Variants in USP16 observed in about 807,000 individuals in gnomAD.
The protein encoded by USP16 is ubiquitin carboxyl-terminal hydrolase 16.
A neutral mutation model predicts 95.9 loss-of-function variants in USP16; 77 were observed. The ratio of observed to expected loss-of-function variants is 0.80; its 90% CI spans 0.67 to 0.97. USP16 has a LOEUF of 0.97. Among genes scored for constraint, USP16 ranks in the 50% least tolerant of loss-of-function variants. The probability of loss-of-function intolerance (pLI) is 0.00; values close to 1 mark genes in which losing one functional copy is unlikely to be tolerated. For synonymous variants in USP16, 303 were observed against 318.2 expected, an observed-to-expected ratio of 0.95 and a Z score of 0.51; for missense variants, 943 against 959.9, an observed-to-expected ratio of 0.98 and a Z score of 0.23.
rs560455167 is a variant in USP16 at position 29,047,026 on chromosome 21, T to C, written c.1716T>C (p.Ile572=). Residue 572 remains isoleucine, a synonymous_variant, in exon 14 of 18, where the codon ATT becomes ATC. Transcript: ENST00000399976. ...AAGGGAGCAATGGAGAAGTGGACATTTCCAATGGTTTCAAAAACCTAAATT... is the reference window on the plus strand; with the variant it reads ...AAGGGAGCAATGGAGAAGTGGACATCTCCAATGGTTTCAAAAACCTAAATT... ...LTEGSNGEVD[I]SNGFKNLNLN... The C allele has an allele frequency of 3.2e-5, 51 of 1,614,072 alleles. No homozygotes were observed. The South Asian group carries it at 5.3e-4, about 17-fold the overall frequency.
At chr21:29,047,930 TTATA>T (rs1476461313) in intron 14 of USP16, among the ~76,000 whole-genome samples, 1 of 151,662 alleles carries the variant, frequency 6.6e-6, no homozygotes, top group Non-Finnish European at 1.5e-5. Flanking sequence ...TGTATGTATC[TTATA>T]TGTGTGTGTA....
At position 29,029,409 on chromosome 21, in the gene USP16, T is replaced by C. The variant is rs1317318769; in HGVS notation, c.62-1186T>C. Among the ~76,000 whole-genome samples, 4 of 152,102 alleles carry C rather than the reference T, an allele frequency of 2.6e-5. No individual in the cohort carries two copies. The East Asian group carries it at 7.7e-4, about 29-fold the overall frequency. ...GCCTGGGCAACAGAGCAAGACTCCG[T>C]CTCAAAAAGAAAAAAGAAAAAAAAG... On this transcript the variant is annotated intron_variant, in intron 2 of 17. Coordinates refer to ENST00000399976, the MANE Select transcript of USP16 (RefSeq NM_006447.3).
intron 3 of USP16, 121 bp downstream of exon 3, chr21:29,030,894 T>C: frequency 8.7e-7 from 1 of 1,155,654 alleles, no homozygotes; most frequent in Non-Finnish European, 1.2e-6. Context: ...TCATGTTCTC[T>C]GGAGAACCAG....
intron 3 of USP16, among the ~76,000 whole-genome samples, chr21:29,031,473 C>A (rs1429206668): frequency 6.6e-6 from 1 of 152,194 alleles, no homozygotes; most frequent in Non-Finnish European, 1.5e-5. Context: ...GGGTCTCACT[C>A]TGTCACCCAG....
chr21:29,044,578 G>A (rs1409747650), intron 13 of USP16, among the ~76,000 whole-genome samples: 1 of 151,628 alleles, frequency 6.6e-6, no homozygotes, highest in African/African-American at 2.4e-5. Flanking sequence ...CTCCCAAGTA[G>A]CTGGGATTAC....
intron 16 of USP16, among the ~76,000 whole-genome samples, chr21:29,050,427 TA>T (rs1426967518): frequency 6.6e-6 from 1 of 152,144 alleles, no homozygotes; most frequent in African/African-American, 2.4e-5. Context: ...GGCATAAAAC[TA>T]AAGGTGAGCA....
intron 1 of USP16, chr21:29,025,644 C>A: frequency 1.9e-6 from 1 of 527,608 alleles, no homozygotes; most frequent in Non-Finnish European, 2.4e-6. Context: ...ACCAGATTTA[C>A]TAGTGCTGTC....
At chr21:29,044,420 C>T (rs1342729016) in intron 13 of USP16, among the ~76,000 whole-genome samples, 1 of 150,100 alleles carries the variant, frequency 6.7e-6, no homozygotes, top group Non-Finnish European at 1.5e-5. Flanking sequence ...GAGTCCTTTC[C>T]ATTTTAGTAT....
intron 16 of USP16, among the ~76,000 whole-genome samples, chr21:29,051,424 T>A (rs1223533937): frequency 6.6e-6 from 1 of 151,880 alleles, no homozygotes; most frequent in Non-Finnish European, 1.5e-5. Flanking sequence ...GTGTATAGAG[T>A]CTGAAGAGAG....
chr21:29,043,506 C>A lies in USP16; in HGVS notation c.1263C>A (p.Asn421Lys). 2 of 1,596,382 alleles carry A rather than the reference C, an allele frequency of 1.3e-6. No individual in the cohort carries two copies. Among genetic ancestry groups the A allele is most frequent in the East Asian group, 2.3e-5 (1 of 43,726 alleles). The change falls in exon 13 of 18, where the codon AAC (asparagine) becomes AAA (lysine). Residue 421 changes from asparagine (N) to lysine (K), a missense_variant. Coordinates refer to ENST00000399976, the MANE Select transcript of USP16 (RefSeq NM_006447.3). ...EDQDSEEEKD[N>K]DSYIKERSDI... Reference sequence around the variant, plus strand: ...AAGATAGTGAGGAAGAAAAAGATAACGACAGTTACATAAAAGAGAGAAGTG... The same window carrying A: ...AAGATAGTGAGGAAGAAAAAGATAAAGACAGTTACATAAAAGAGAGAAGTG...
rs762484594 is a variant in USP16, at chr21:29,040,692, T to TG, written c.1030+6dup. On this transcript the variant is annotated splice_donor_region_variant and intron_variant, in intron 10 of 17. Transcript: ENST00000399976. ...AACTAAAAAATAAAGTTAAAGGTAA[T>TG]GTCTGACTTTTTGAACTAAAACACT... is the stretch of plus-strand genomic sequence containing the variant. The TG allele has an allele frequency of 2.4e-5, 36 of 1,493,918 alleles. No individual in the cohort carries two copies. The highest frequency in any genetic ancestry group is 1.8e-4 in the Middle Eastern group (1 of 5,686). The allele number at this position is 1,493,918 out of a possible 1,614,324, so 92.5% of individuals were successfully genotyped here. A position where few individuals can be genotyped will look rare whatever the true frequency, so the allele number is the denominator to read the frequency against.
At chr21:29,026,208 C>T (rs1367844277) in intron 1 of USP16, among the ~76,000 whole-genome samples, 1 of 152,126 alleles carries the variant, frequency 6.6e-6, no homozygotes, top group East Asian at 1.9e-4. Flanking sequence ...CCTGTAATCC[C>T]AGCACTTTGG....
At chr21:29,034,809 T>C in intron 3 of USP16, 28 bp from the exon 4 acceptor site, 1 of 1,609,808 alleles carries the variant, frequency 6.2e-7, no homozygotes, top group South Asian at 1.1e-5. Context: ...TTTTATGGCT[T>C]TGAGGTTTAT....
At chr21:29,041,576 C>T (rs1047496415) in intron 10 of USP16, among the ~76,000 whole-genome samples, 1 of 152,158 alleles carries the variant, frequency 6.6e-6, no homozygotes, top group Non-Finnish European at 1.5e-5. Context: ...AAGTTACATG[C>T]ATTTTCTCTC....
At chr21:29,039,887 C>T (rs891736905) in intron 9 of USP16, among the ~76,000 whole-genome samples, 1 of 152,150 alleles carries the variant, frequency 6.6e-6, no homozygotes, top group Non-Finnish European at 1.5e-5. Flanking sequence ...AACCCAGGTG[C>T]AGCACACCCT....
chr21:29,030,525 A>G (rs1186115582), intron 2 of USP16, 70 bp from the exon 3 acceptor site: 1 of 1,315,996 alleles, frequency 7.6e-7, no homozygotes. Context: ...ATCGAGGGTA[A>G]GTTTTGAGAT....
At position 29,046,649 on chromosome 21, in the gene USP16, C is replaced by G. The variant is rs372868485; in HGVS notation, c.1357-18C>G. 6.4e-7 allele frequency: 1 copy of G among 1,574,038 alleles called. No homozygotes were observed. The highest frequency in any genetic ancestry group is 2.0e-5 in the Admixed American group (1 of 51,148). ...TTTCTTTTTCTTTATTTTTTGATGC[C>G]GTATACTTTTTACCCAGAACCAACG... On this transcript the variant is annotated intron_variant, in intron 13 of 17. Coordinates refer to ENST00000399976, the MANE Select transcript of USP16 (RefSeq NM_006447.3).
chr21:29,039,265 A>C, intron 8 of USP16, 109 bp downstream of exon 8: 1 of 1,166,874 alleles, frequency 8.6e-7, no homozygotes, highest in Non-Finnish European at 1.1e-6. Flanking sequence ...CATTTAGTCA[A>C]CCCTCTATAT....
Position 29,042,062 on chromosome 21 carries a change from T to G in USP16, c.1080T>G (p.Gly360=). The G allele has an allele frequency of 6.2e-7, 1 of 1,613,416 alleles. No homozygotes were observed. Reference sequence around the variant, plus strand: ...CAAGTTTTGTTGACCGCATCTTTGGTGGTGAACTAACTAGTATGATCATGT... The same window carrying G: ...CAAGTTTTGTTGACCGCATCTTTGGGGGTGAACTAACTAGTATGATCATGT... ...SMPSFVDRIF[G]GELTSMIMCD... The change falls in exon 11 of 18, where the codon GGT becomes GGG. Residue 360 remains glycine, a synonymous_variant. Transcript: ENST00000399976.
Sources: allele counts gnomAD v4.1 joint callset (sites outside exome capture counted in the v4.1 genomes callset), GRCh38; gene constraint gnomAD v4.1.1; transcripts MANE v1.5; gene names NCBI Gene and HGNC (gene_info 2026-07-23, HGNC 2026-07-21).